The following JAK1 variants were observed in gnomAD, a reference collection of about 807,000 sequenced individuals.
JAK1 encodes the protein Janus kinase 1, also known as tyrosine-protein kinase JAK1.
A neutral mutation model predicts 136.6 loss-of-function variants in JAK1; 16 were observed. That is an observed-to-expected ratio of 0.12 (90% CI 0.08 to 0.18). JAK1 has a LOEUF of 0.18. JAK1 is among the 10% of genes least tolerant of loss of function. The pLI, the probability that JAK1 is intolerant of heterozygous loss-of-function variation, is 1.00. For missense variants in JAK1, 859 were observed against 1,450.1 expected (o/e 0.59, Z 6.62); for synonymous variants, 492 against 519.5 (o/e 0.95, Z 0.72).
At chr1:64,957,051 C>A (rs142473182) in intron 1 of JAK1, among the ~76,000 whole-genome samples, 10 of 152,232 alleles carry the variant, frequency 6.6e-5, no homozygotes, top group African/African-American at 2.2e-4. Context: ...AATGTGACAG[C>A]AAGAAGGTCA....
chr1:64,878,561 GTATATATATATA>G (rs56881589), intron 4 of JAK1, among the ~76,000 whole-genome samples: 3,049 of 119,872 alleles, frequency 0.025, 80 homozygotes, highest in Middle Eastern at 0.048. Context: ...TATATAGTGT[GTATATATATATA>G]TATATATATA....
chr1:64,963,130 T>C (rs1646312852), intron 1 of JAK1, among the ~76,000 whole-genome samples: 1 of 152,158 alleles, frequency 6.6e-6, no homozygotes, highest in Non-Finnish European at 1.5e-5. Context: ...TACTATAATG[T>C]AATTTACCTT....
At chr1:64,855,465 A>C (rs956824767) in intron 11 of JAK1, 44 bp downstream of exon 11, 2 of 1,590,236 alleles carry the variant, frequency 1.3e-6, no homozygotes, top group Non-Finnish European at 1.7e-6. Context: ...GTCTCAGCAC[A>C]TTACTGATGG....
At chr1:65,018,886 C>CT in intron 2 of JAK1, among the ~76,000 whole-genome samples, 1 of 152,210 alleles carries the variant, frequency 6.6e-6, no homozygotes, top group South Asian at 2.1e-4. Context: ...TGGCGGGCGC[C>CT]TGTAGTCCCA....
At chr1:65,021,376 C>A (rs1646935434) in intron 2 of JAK1, among the ~76,000 whole-genome samples, 2 of 152,314 alleles carry the variant, frequency 1.3e-5, no homozygotes, top group Admixed American at 1.3e-4. Context: ...CTACCTTCTT[C>A]CACCTCCCAC....
At chr1:65,003,195 G>T (rs528496334) in intron 2 of JAK1, among the ~76,000 whole-genome samples, 49 of 152,124 alleles carry the variant, frequency 3.2e-4, no homozygotes, top group African/African-American at 1.2e-3. Flanking sequence ...GCGTGGGTGG[G>T]TGTCCCGGCC....
chr1:64,846,727 CGAA>C lies in JAK1; in HGVS notation c.1906_1908del (p.Phe636del). On this transcript the variant is annotated inframe_deletion, in exon 14 of 25. Coordinates refer to ENST00000342505, the MANE Select transcript of JAK1 (RefSeq NM_002227.4). ...ACCTGTCTCATCATGCTGGCTGCCT[CGAA>C]GAAGGCCTGTGGGCGAGCAGGACAT... 2 of 1,613,736 alleles carry C rather than the reference CGAA, an allele frequency of 1.2e-6. No individual in the cohort carries two copies. Among genetic ancestry groups the C allele is most frequent in the Non-Finnish European group, 8.5e-7 (1 of 1,179,796 alleles).
chr1:65,047,129 A>G (rs1647191223), intron 1 of JAK1, among the ~76,000 whole-genome samples: 3 of 152,084 alleles, frequency 2.0e-5, no homozygotes, highest in African/African-American at 4.8e-5. Context: ...TGGAGTCAAC[A>G]GTGACCTACG....
intron 1 of JAK1, among the ~76,000 whole-genome samples, chr1:64,936,618 C>T (rs533276614): frequency 6.6e-6 from 1 of 151,320 alleles, no homozygotes; most frequent in African/African-American, 2.4e-5. Context: ...AGAAACAGCA[C>T]AGCCCTGTGA....
At chr1:64,968,450 C>T (rs546360559), upstream of JAK1, among the ~76,000 whole-genome samples, 5 of 152,130 alleles carry the variant, frequency 3.3e-5, no homozygotes, top group East Asian at 1.9e-4. Flanking sequence ...TTCAAGTAGC[C>T]GACAGGAGGC....
chr1:64,977,429 G>A (rs1224730556), intron 2 of JAK1, among the ~76,000 whole-genome samples: 1 of 151,124 alleles, frequency 6.6e-6, no homozygotes, highest in Non-Finnish European at 1.5e-5. Context: ...TGGGATTACA[G>A]GCATGAGCCA....
At chr1:65,024,678 A>G (rs1438941273) in intron 2 of JAK1, among the ~76,000 whole-genome samples, 1 of 150,522 alleles carries the variant, frequency 6.6e-6, no homozygotes, top group Non-Finnish European at 1.5e-5. Context: ...AAAAAAAAAA[A>G]AAGAAAGAAA....
rs1018279707 is a variant in JAK1, at chr1:64,966,484, C to G, written c.-229G>C. 6.6e-6 allele frequency: 1 copy of G among 150,778 alleles called. No individual in the cohort carries two copies. The highest frequency in any genetic ancestry group is 1.5e-5 in the Non-Finnish European group (1 of 67,598). The allele number at this position is 150,778 out of a possible 1,614,324, so 9.3% of individuals were successfully genotyped here. A position where few individuals can be genotyped will look rare whatever the true frequency, so the allele number is the denominator to read the frequency against. ...CGCGGCGAGGACAGCCGGGACTGGG[C>G]GCAGGCCCGCACTGTCTGCAGCTCC... is the stretch of plus-strand genomic sequence containing the variant. On this transcript the variant is annotated 5_prime_UTR_variant, in exon 1 of 25. Transcript: ENST00000342505.
intron 1 of JAK1, among the ~76,000 whole-genome samples, chr1:64,913,899 A>G (rs1304615361): frequency 6.6e-6 from 1 of 152,230 alleles, no homozygotes; most frequent in African/African-American, 2.4e-5. Context: ...TCTGGCAGAA[A>G]TAAGAGCACA....
chr1:64,848,897 G>A (rs955615653), intron 12 of JAK1, among the ~76,000 whole-genome samples: 3 of 152,192 alleles, frequency 2.0e-5, no homozygotes, highest in East Asian at 1.9e-4. Flanking sequence ...TGTCAGAGCC[G>A]AATGGCGATG....
intron 1 of JAK1, among the ~76,000 whole-genome samples, chr1:65,066,287 C>G (rs1021240268): frequency 2.0e-5 from 3 of 152,142 alleles, no homozygotes; most frequent in South Asian, 2.1e-4. Context: ...GTCCCCTCCC[C>G]CTTCCTGAAA....
intron 1 of JAK1, chr1:65,057,801 CATTTT>C (rs1366267281): frequency 6.5e-6 from 1 of 154,820 alleles, no homozygotes; most frequent in African/African-American, 2.4e-5. Context: ...AAATAATTTA[CATTTT>C]ATTTTCATGT....
At chr1:64,885,491 T>C (rs1192135623) in intron 2 of JAK1, among the ~76,000 whole-genome samples, 4 of 152,206 alleles carry the variant, frequency 2.6e-5, no homozygotes, top group African/African-American at 9.6e-5. Context: ...TGGTGGCTCA[T>C]GCCTGTAATC....
intron 8 of JAK1, among the ~76,000 whole-genome samples, chr1:64,861,225 C>G (rs17127107): frequency 0.04 from 6,010 of 152,150 alleles, 398 homozygotes; most frequent in East Asian, 0.31. Flanking sequence ...CAGACTTGCT[C>G]TAGAAGGTGA....
Sources: allele counts gnomAD v4.1 joint callset (sites outside exome capture counted in the v4.1 genomes callset), GRCh38; gene constraint gnomAD v4.1.1; transcripts MANE v1.5; gene names NCBI Gene and HGNC (gene_info 2026-07-23, HGNC 2026-07-21).